Variants in BTF3L4 observed in about 807,000 individuals in gnomAD.
The protein encoded by BTF3L4 is basic transcription factor 3 like 4.
In BTF3L4, 6 loss-of-function variants were observed where a neutral mutation model predicts 16.8. That is an observed-to-expected ratio of 0.36 (90% CI 0.20 to 0.71). The LOEUF (loss-of-function observed/expected upper bound fraction) is 0.71, where lower values mean the gene tolerates loss of function less well. BTF3L4 is among the 30% of genes least tolerant of loss of function. BTF3L4 has a pLI of 0.58. For synonymous variants in BTF3L4, 39 were observed against 59.8 expected, an observed-to-expected ratio of 0.65 and a Z score of 1.60; for missense variants, 92 against 186.9, an observed-to-expected ratio of 0.49 and a Z score of 2.96.
chr1:52,075,977 T>C (rs911205259), intron 3 of BTF3L4, among the ~76,000 whole-genome samples: 2 of 152,210 alleles, frequency 1.3e-5, no homozygotes, highest in Non-Finnish European at 2.9e-5. Context: ...TGTAGATTCT[T>C]GAAAGTGTAG....
intron 3 of BTF3L4, among the ~76,000 whole-genome samples, chr1:52,082,085 A>AC (rs1487396559): frequency 6.6e-6 from 1 of 152,198 alleles, no homozygotes; most frequent in East Asian, 1.9e-4. Context: ...TAAGCATGTT[A>AC]CCCCACAAGG....
intron 3 of BTF3L4, among the ~76,000 whole-genome samples, chr1:52,078,411 A>G (rs1039376333): frequency 1.3e-5 from 2 of 152,002 alleles, no homozygotes; most frequent in Non-Finnish European, 2.9e-5. Context: ...TTCATTCAGC[A>G]GATTTGAGTG....
intron 3 of BTF3L4, among the ~76,000 whole-genome samples, chr1:52,065,718 T>G (rs981817649): frequency 7.2e-5 from 11 of 152,290 alleles, no homozygotes; most frequent in African/African-American, 2.4e-4. Context: ...AGATTTCTTA[T>G]TAAAACTGTT....
chr1:52,075,305 G>A (rs1357837085), intron 3 of BTF3L4, among the ~76,000 whole-genome samples: 1 of 150,854 alleles, frequency 6.6e-6, no homozygotes, highest in African/African-American at 2.4e-5. Flanking sequence ...TGTAATCCCA[G>A]CACTTTGGGA....
At chr1:52,075,476 C>T (rs1335342410) in intron 3 of BTF3L4, among the ~76,000 whole-genome samples, 1 of 147,122 alleles carries the variant, frequency 6.8e-6, no homozygotes, top group Non-Finnish European at 1.5e-5. Context: ...GGGCCGAGAT[C>T]GCACCACTAC....
intron 2 of BTF3L4, among the ~76,000 whole-genome samples, chr1:52,061,021 A>G (rs1356189067): frequency 6.6e-6 from 1 of 152,242 alleles, no homozygotes. Context: ...GTGCCAGCAC[A>G]TAGAAGATAA....
At chr1:52,069,570 A>T (rs1214140417) in intron 3 of BTF3L4, among the ~76,000 whole-genome samples, 5 of 152,186 alleles carry the variant, frequency 3.3e-5, no homozygotes, top group Non-Finnish European at 5.9e-5. Flanking sequence ...CAAAGTGTGA[A>T]CTCAGGAATA....
chr1:52,086,632 G>C, intron 5 of BTF3L4, 80 bp from the exon 6 acceptor site: 1 of 821,690 alleles, frequency 1.2e-6, no homozygotes, highest in Non-Finnish European at 1.9e-6. Context: ...TTTTTTCGGG[G>C]GTTAGAAGTT....
rs1272974193 is a variant in BTF3L4 at position 52,090,543 on chromosome 1, T to G, written c.*3785T>G. 6.6e-6 allele frequency: 1 copy of G among 152,208 alleles called. No homozygotes were observed. The highest frequency in any genetic ancestry group is 1.5e-5 in the Non-Finnish European group (1 of 68,040). The allele number at this position is 152,208 out of a possible 1,614,324, so 9.4% of individuals were successfully genotyped here. A position where few individuals can be genotyped will look rare whatever the true frequency, so the allele number is the denominator to read the frequency against. On this transcript the variant is annotated 3_prime_UTR_variant, in exon 6 of 6. Coordinates refer to ENST00000313334, the MANE Select transcript of BTF3L4 (RefSeq NM_152265.5). ...GAGCCAGCTACCTAAATTTCCTATC[T>G]GAGCATGTCCTTACATTTACTTCCA... is the stretch of plus-strand genomic sequence containing the variant.
chr1:52,056,987 C>T (rs182556540), intron 1 of BTF3L4, among the ~76,000 whole-genome samples: 1 of 152,314 alleles, frequency 6.6e-6, no homozygotes, highest in Non-Finnish European at 1.5e-5. Flanking sequence ...CCATAGTTGT[C>T]CCCTCGGGAG....
At chr1:52,081,156 A>G (rs1643916918) in intron 3 of BTF3L4, among the ~76,000 whole-genome samples, 1 of 149,694 alleles carries the variant, frequency 6.7e-6, no homozygotes, top group South Asian at 2.1e-4. Flanking sequence ...TATTTTTTTG[A>G]GAAAGAGCTT....
intron 3 of BTF3L4, among the ~76,000 whole-genome samples, chr1:52,067,202 C>G (rs1686673230): frequency 6.6e-6 from 1 of 151,830 alleles, no homozygotes; most frequent in African/African-American, 2.4e-5. Flanking sequence ...ATGTGAGACT[C>G]TGTCTGAAAA....
At position 52,086,598 on chromosome 1, in the gene BTF3L4, C is replaced by G. The variant is rs1643975340; in HGVS notation, c.431-114C>G. On this transcript the variant is annotated intron_variant, in intron 5 of 5. Transcript: ENST00000313334. ...ATTTCTGCCTCCTTATGTTTTCAGGCTAATTCTGGTTGTACTAATTTTATT... is the reference window on the plus strand; with the variant it reads ...ATTTCTGCCTCCTTATGTTTTCAGGGTAATTCTGGTTGTACTAATTTTATT... 8.3e-6 allele frequency: 5 copies of G among 600,858 alleles called. No individual in the cohort carries two copies. The Admixed American group carries it at 1.7e-4, about 21-fold the overall frequency. 37.2% of individuals were successfully genotyped at this position (600,858 alleles called of 1,614,324 possible).
At chr1:52,075,495 C>T (rs1686907088) in intron 3 of BTF3L4, among the ~76,000 whole-genome samples, 1 of 147,366 alleles carries the variant, frequency 6.8e-6, no homozygotes, top group Non-Finnish European at 1.5e-5. Flanking sequence ...ACACTACAGC[C>T]TGCTGGGCAA....
rs977113891 is a variant in BTF3L4 at position 52,086,771 on chromosome 1, T to G, written c.*13T>G. The G allele has an allele frequency of 5.7e-6, 9 of 1,588,060 alleles. No homozygotes were observed. Among genetic ancestry groups the G allele is most frequent in the Non-Finnish European group, 7.7e-6 (9 of 1,166,036 alleles). ...TGAAGCTAACTAAAAGTTTGGTTTT[T>G]GGAAGCTGGCATGGACTAGATTTAA... On this transcript the variant is annotated 3_prime_UTR_variant, in exon 6 of 6. Coordinates refer to ENST00000313334, the MANE Select transcript of BTF3L4 (RefSeq NM_152265.5).
chr1:52,064,858 A>C lies in BTF3L4; in HGVS notation c.88A>C (p.Arg30=). The change falls in exon 3 of 6, where the codon AGA becomes CGA. Residue 30 remains arginine (R), a synonymous_variant. Transcript: ENST00000313334. ...TARRKKKVVH[R]TATADDKKLQ... Reference sequence around the variant, plus strand: ...TCGCAGAAAGAAGAAGGTGGTACATAGAACAGCCACAGCTGATGACAAAAA... The same window carrying C: ...TCGCAGAAAGAAGAAGGTGGTACATCGAACAGCCACAGCTGATGACAAAAA... The C allele has an allele frequency of 6.2e-7, 1 of 1,612,884 alleles. No homozygotes were observed. The highest frequency in any genetic ancestry group is 8.5e-7 in the Non-Finnish European group (1 of 1,179,732).
rs938232942 is a variant in BTF3L4 at position 52,089,727 on chromosome 1, G to A, written c.*2969G>A. 2.6e-5 allele frequency: 4 copies of A among 151,922 alleles called. No homozygotes were observed. The highest frequency in any genetic ancestry group is 1.9e-4 in the East Asian group (1 of 5,202). 9.4% of individuals were successfully genotyped at this position (151,922 alleles called of 1,614,324 possible). On this transcript the variant is annotated 3_prime_UTR_variant, in exon 6 of 6. Coordinates refer to ENST00000313334, the MANE Select transcript of BTF3L4 (RefSeq NM_152265.5). ...TTTTTGTTTTTGTTCTTTGTAAAGC[G>A]CCTTATCTGTTTTGGACAAGTCCAA...
intron 2 of BTF3L4, among the ~76,000 whole-genome samples, chr1:52,064,280 C>T (rs2124418359): frequency 6.6e-6 from 1 of 152,302 alleles, no homozygotes; most frequent in South Asian, 2.1e-4. Flanking sequence ...CCTACTTAGT[C>T]ATTCTTGCTG....
At chr1:52,076,501 C>T (rs535063685) in intron 3 of BTF3L4, among the ~76,000 whole-genome samples, 15 of 147,854 alleles carry the variant, frequency 1.0e-4, no homozygotes, top group South Asian at 8.7e-4. Flanking sequence ...CGCTTGAACC[C>T]GTGAGGCGGA....
Sources: gnomAD v4.1 joint callset for allele counts (sites outside exome capture counted in the v4.1 genomes callset) on GRCh38, gnomAD v4.1.1 for gene constraint, MANE v1.5 for transcripts, NCBI Gene and HGNC (gene_info 2026-07-23, HGNC 2026-07-21) for gene names.